C16orf89: variants seen among roughly 807,000 people sequenced by gnomAD.
C16orf89 encodes the protein UPF0764 protein C16orf89.
In C16orf89, 57 loss-of-function variants were observed where a neutral mutation model predicts 41.5. That is an observed-to-expected ratio of 1.38 (90% CI 1.11 to 1.71). The LOEUF is 1.71. C16orf89 is among the 40% of genes most tolerant of loss of function. The probability of loss-of-function intolerance (pLI) is 0.00; values close to 1 mark genes in which losing one functional copy is unlikely to be tolerated. For missense variants in C16orf89, 575 were observed against 445.9 expected, an observed-to-expected ratio of 1.29 and a Z score of -2.61; for synonymous variants, 223 against 190.6, an observed-to-expected ratio of 1.17 and a Z score of -1.40.
chr16:5,065,777 C>T lies in C16orf89; in HGVS notation c.132G>A (p.Glu44=). The change falls in exon 1 of 8, where the codon GAG becomes GAA. Residue 44 remains glutamate (E), a synonymous_variant. Transcript: ENST00000472572. The stretch of plus-strand genomic sequence containing the variant: ...TCTGTTCTAGGAAGACGGTGGCTCT[C>T]TCCAGCGCAGACAGGATCAGGTCTG... ...TIADLILSAL[E]RATVFLEQRL... 2.5e-6 allele frequency: 4 copies of T among 1,614,236 alleles called. No individual in the cohort carries two copies. The highest frequency in any genetic ancestry group is 3.4e-6 in the Non-Finnish European group (4 of 1,180,012).
At chr16:5,049,858 C>A (rs1202575674) in intron 6 of C16orf89, among the ~76,000 whole-genome samples, 1 of 151,284 alleles carries the variant, frequency 6.6e-6, no homozygotes, top group African/African-American at 2.4e-5. Context: ...AAGATCAGAG[C>A]AGAAATAAAT....
intron 3 of C16orf89, 153 bp from the exon 4 acceptor site, chr16:5,058,763 T>C: frequency 1.7e-6 from 1 of 588,650 alleles, no homozygotes; most frequent in Non-Finnish European, 2.9e-6. Context: ...CAGTCCTGCA[T>C]TTTGATTTGC....
chr16:5,062,448 A>T lies in C16orf89; in HGVS notation c.335T>A (p.Leu112Gln), dbSNP rs1956645201. 6.2e-7 allele frequency: 1 copy of T among 1,613,760 alleles called. No homozygotes were observed. Among genetic ancestry groups the T allele is most frequent in the Non-Finnish European group, 8.5e-7 (1 of 1,179,854 alleles). ...AIQRSLHYLK[L>Q]SDPKYLREFQ... is the part of the protein sequence containing the mutation. Reference sequence around the variant, plus strand: ...ACCTCTTAGGTACTTGGGATCACTCAGCTTGAGGTAGTGGAGGGATCTCTG... The same window carrying T: ...ACCTCTTAGGTACTTGGGATCACTCTGCTTGAGGTAGTGGAGGGATCTCTG... Residue 112 changes from leucine (L) to glutamine (Q), a missense_variant, in exon 2 of 8, where the codon CTG becomes CAG. Transcript: ENST00000472572.
intron 4 of C16orf89, 119 bp from the exon 5 acceptor site, chr16:5,056,307 G>T: frequency 2.1e-6 from 2 of 956,552 alleles, no homozygotes; most frequent in Non-Finnish European, 3.0e-6. Flanking sequence ...GTTTAGGGCT[G>T]TGTTTAGGGC....
chr16:5,045,686 C>T (rs116094973), intron 7 of C16orf89, among the ~76,000 whole-genome samples: 300 of 152,262 alleles, frequency 2.0e-3, no homozygotes, highest in African/African-American at 6.7e-3. Context: ...CAGTTTGGTG[C>T]CCATTTTACA....
chr16:5,046,992 G>A (rs1180645825), intron 7 of C16orf89, among the ~76,000 whole-genome samples: 1 of 152,164 alleles, frequency 6.6e-6, no homozygotes, highest in Non-Finnish European at 1.5e-5. Context: ...CCATTCATTG[G>A]CTTTCGGGTC....
intron 7 of C16orf89, among the ~76,000 whole-genome samples, chr16:5,047,258 T>G (rs1417805549): frequency 6.6e-6 from 1 of 152,158 alleles, no homozygotes; most frequent in African/African-American, 2.4e-5. Flanking sequence ...TCTCTGGGTT[T>G]TTCCACCTTT....
Position 5,056,047 on chromosome 16 carries a change from C to T in C16orf89, c.763+6G>A, listed in dbSNP as rs772623903. The T allele has an allele frequency of 1.1e-5, 17 of 1,586,822 alleles. No homozygotes were observed. The Admixed American group carries it at 1.2e-4, about 11-fold the overall frequency. Reference sequence around the variant, plus strand: ...CTTTGCCCCGGGGGCAGAATGCTGGCCATACTGTTTTCCATGAAGATGTCC... The same window carrying T: ...CTTTGCCCCGGGGGCAGAATGCTGGTCATACTGTTTTCCATGAAGATGTCC... On this transcript the variant is annotated splice_donor_region_variant and intron_variant, in intron 5 of 7. Coordinates refer to ENST00000472572, the MANE Select transcript of C16orf89 (RefSeq NM_001098514.3).
chr16:5,045,783 C>G (rs1338656303), intron 7 of C16orf89, among the ~76,000 whole-genome samples: 1 of 152,092 alleles, frequency 6.6e-6, no homozygotes. Flanking sequence ...ACAACCTGAC[C>G]TCAAACCCTG....
intron 6 of C16orf89, among the ~76,000 whole-genome samples, chr16:5,053,004 T>C (rs1956425763): frequency 6.6e-6 from 1 of 152,216 alleles, no homozygotes; most frequent in Non-Finnish European, 1.5e-5. Flanking sequence ...GACATTATAC[T>C]AATTGAAGTA....
chr16:5,050,052 T>C (rs548744067), intron 6 of C16orf89, among the ~76,000 whole-genome samples: 1 of 152,112 alleles, frequency 6.6e-6, no homozygotes, highest in South Asian at 2.1e-4. Context: ...TTAGAGACTA[T>C]TATAAACAAC....
intron 4 of C16orf89, among the ~76,000 whole-genome samples, chr16:5,056,780 T>A (rs1956516859): frequency 6.6e-6 from 1 of 152,176 alleles, no homozygotes; most frequent in African/African-American, 2.4e-5. Context: ...GTAATATGGT[T>A]TTTATTGTAT....
In C16orf89 at chr16:5,047,935, T is replaced by C; in HGVS notation, c.898A>G (p.Ile300Val). The C allele has an allele frequency of 6.2e-7, 1 of 1,600,522 alleles. No homozygotes were observed. Among genetic ancestry groups the C allele is most frequent in the Non-Finnish European group, 8.6e-7 (1 of 1,168,546 alleles). Residue 300 changes from isoleucine to valine, a missense_variant, in exon 7 of 8, where the codon ATT (isoleucine) becomes GTT (valine). Physicochemically the swap from Ile to Val is conservative, Grantham distance 29. Coordinates refer to ENST00000472572, the MANE Select transcript of C16orf89 (RefSeq NM_001098514.3). ...DAEDEELSKA[I>V]QYQQHFSRRV... ...CTCGAAAAATGCTGCTGATATTGAA[T>C]AGCTTTAGATAATTCTTCATCTTCA...
At position 5,065,724 on chromosome 16, in the gene C16orf89, A is replaced by G. The variant is rs374976067; in HGVS notation, c.185T>C (p.Met62Thr). 1 of 1,613,896 alleles carries G rather than the reference A, an allele frequency of 6.2e-7. No homozygotes were observed. The highest frequency in any genetic ancestry group is 1.1e-5 in the South Asian group (1 of 91,082). The change falls in exon 1 of 8, where the codon ATG (methionine) becomes ACG (threonine). Residue 62 changes from methionine (M) to threonine (T), a missense_variant. Physicochemically the swap from Met to Thr is moderately conservative, Grantham distance 81 (BLOSUM62 -1). Transcript: ENST00000472572. ...QRLPEINLDG[M>T]VGVRVLEEQL... Reference sequence around the variant, plus strand: ...ACCTTCCAGCACTCGGACCCCCACCATGCCATCCAGGTTGATTTCAGGCAG... The same window carrying G: ...ACCTTCCAGCACTCGGACCCCCACCGTGCCATCCAGGTTGATTTCAGGCAG...
rs1476607388 is a variant in C16orf89, at chr16:5,044,496, CAT to C, written c.956-20_956-19del. The C allele has an allele frequency of 1.9e-6, 3 of 1,611,560 alleles. No individual in the cohort carries two copies. Among genetic ancestry groups the C allele is most frequent in the African/African-American group, 1.3e-5 (1 of 74,734 alleles). ...GCAGCCATCTAGGGGAGAGAGCCCC[CAT>C]GAGTGCTGGGTGGCAAGAACCTTGG... On this transcript the variant is annotated intron_variant, in intron 7 of 7. Transcript: ENST00000472572.
intron 1 of C16orf89, among the ~76,000 whole-genome samples, chr16:5,065,334 C>G (rs1312037060): frequency 6.6e-6 from 1 of 152,126 alleles, no homozygotes; most frequent in African/African-American, 2.4e-5. Flanking sequence ...TTGTCCACAG[C>G]CACCTCATTC....
chr16:5,064,410 C>G (rs1364590321), intron 1 of C16orf89, among the ~76,000 whole-genome samples: 13 of 152,210 alleles, frequency 8.5e-5, no homozygotes, highest in Non-Finnish European at 2.9e-5. Flanking sequence ...CTGACAAGTA[C>G]TGAGCCCCAC....
At chr16:5,060,245 G>C (rs1282547695) in intron 3 of C16orf89, 41 bp downstream of exon 3, 2 of 1,569,440 alleles carry the variant, frequency 1.3e-6, no homozygotes, top group Non-Finnish European at 1.7e-6. Flanking sequence ...GAGAACTAGT[G>C]CGTTTGGGTT....
At chr16:5,065,095 TTG>T (rs546328624) in intron 1 of C16orf89, among the ~76,000 whole-genome samples, 2 of 151,918 alleles carry the variant, frequency 1.3e-5, no homozygotes, top group Non-Finnish European at 2.9e-5. Flanking sequence ...GCATGCGTGC[TTG>T]TGTGTGTGAT....
Sources: gnomAD v4.1 joint callset for allele counts (sites outside exome capture counted in the v4.1 genomes callset) on GRCh38, gnomAD v4.1.1 for gene constraint, MANE v1.5 for transcripts, NCBI Gene and HGNC (gene_info 2026-07-23, HGNC 2026-07-21) for gene names.